Variants in APBA1 observed in about 807,000 individuals in gnomAD.
APBA1 encodes the protein amyloid beta precursor protein binding family A member 1.
Under a neutral mutation model 86.6 loss-of-function variants are expected in APBA1, and 55 were observed. The observed-to-expected ratio is 0.64, with a 90% CI of 0.51 to 0.80. The LOEUF is 0.80. APBA1 is among the 30% of genes least tolerant of loss of function. The pLI, the probability that APBA1 is intolerant of heterozygous loss-of-function variation, is 0.00. For missense variants in APBA1, 1,090 were observed against 1,183.0 expected, an observed-to-expected ratio of 0.92 and a Z score of 1.15; for synonymous variants, 511 against 493.9, an observed-to-expected ratio of 1.03 and a Z score of -0.46.
chr9:69,511,226 G>GA lies in APBA1; in HGVS notation c.1200+4784dup, dbSNP rs1157169730. 4.6e-5 allele frequency among the ~76,000 whole-genome samples: 7 copies of GA among 152,168 alleles called. No individual in the cohort carries two copies. The East Asian group carries it at 9.7e-4, about 21-fold the overall frequency. On this transcript the variant is annotated intron_variant, in intron 2 of 12. Transcript: ENST00000265381. Reference sequence around the variant, plus strand: ...ACAATGAACTCAAACAAATTTACAAGAAAAAACCAAACAACCCCATCAAAA... The same window carrying GA: ...ACAATGAACTCAAACAAATTTACAAGAAAAAAACCAAACAACCCCATCAAAA...
chr9:69,658,898 T>G (rs1165260674), intron 1 of APBA1, among the ~76,000 whole-genome samples: 1 of 152,096 alleles, frequency 6.6e-6, no homozygotes, highest in Non-Finnish European at 1.5e-5. Context: ...CCCCATAGAT[T>G]CAGGCAGGGA....
At chr9:69,528,131 T>C (rs1264163453) in intron 1 of APBA1, among the ~76,000 whole-genome samples, 2 of 152,082 alleles carry the variant, frequency 1.3e-5, no homozygotes, top group East Asian at 3.8e-4. Flanking sequence ...ACAGAGAAAA[T>C]AAAAGGACAG....
rs1822197637 is a variant in APBA1, at chr9:69,594,782, A to AGTT, written c.-70+77370_-70+77371insAAC. 2.0e-5 allele frequency among the ~76,000 whole-genome samples: 3 copies of AGTT among 152,134 alleles called. No individual in the cohort carries two copies. In the South Asian group the frequency reaches 6.2e-4, roughly 32 times the overall value. ...AGTTCTTTTCTGATGAGTAGACATTACCCAAGCCAATCATACAACACTTTC... is the reference window on the plus strand; with the variant it reads ...AGTTCTTTTCTGATGAGTAGACATTAGTTCCCAAGCCAATCATACAACACTTTC... On this transcript the variant is annotated intron_variant, in intron 1 of 12. Transcript: ENST00000265381.
At chr9:69,642,555 T>C (rs1194657820) in intron 1 of APBA1, among the ~76,000 whole-genome samples, 2 of 152,182 alleles carry the variant, frequency 1.3e-5, no homozygotes, top group Non-Finnish European at 1.5e-5. Context: ...AATCTAGTGG[T>C]TAATTTTATG....
At chr9:69,449,968 A>G (rs1834975454) in intron 9 of APBA1, among the ~76,000 whole-genome samples, 172 bp from the exon 10 acceptor site, 1 of 151,978 alleles carries the variant, frequency 6.6e-6, no homozygotes, top group South Asian at 2.1e-4. Context: ...GTTTTTAAGA[A>G]ATGAATTCAC....
intron 1 of APBA1, among the ~76,000 whole-genome samples, chr9:69,630,185 A>C (rs1823013162): frequency 6.6e-6 from 1 of 152,102 alleles, no homozygotes; most frequent in Non-Finnish European, 1.5e-5. Context: ...AGCAGACTTG[A>C]AGGAGGGAAC....
At chr9:69,639,975 C>T (rs912252543) in intron 1 of APBA1, among the ~76,000 whole-genome samples, 2 of 152,052 alleles carry the variant, frequency 1.3e-5, no homozygotes, top group African/African-American at 2.4e-5. Context: ...GAACAGAGAG[C>T]ATATGAAATG....
intron 11 of APBA1, among the ~76,000 whole-genome samples, chr9:69,435,369 C>T (rs1338085373): frequency 3.3e-5 from 5 of 152,220 alleles, no homozygotes; most frequent in African/African-American, 4.8e-5. Context: ...GGAATCGCCA[C>T]ACTGACTTCC....
At chr9:69,469,113 A>G (rs1835327038) in intron 4 of APBA1, among the ~76,000 whole-genome samples, 1 of 152,164 alleles carries the variant, frequency 6.6e-6, no homozygotes, top group Non-Finnish European at 1.5e-5. Flanking sequence ...TGCCCGCCTC[A>G]GCCTCCCAAA....
chr9:69,516,620 C>G lies in APBA1; in HGVS notation c.591G>C (p.Val197=). 1 of 1,607,282 alleles carries G rather than the reference C, an allele frequency of 6.2e-7. No homozygotes were observed. The highest frequency in any genetic ancestry group is 8.5e-7 in the Non-Finnish European group (1 of 1,179,222). ...CGGGCGCGTCCCCTATCTCCTCGTA[C>G]ACGTGCTCCTGGAGGCCGCCGTAGT... ...YADYGGLQEH[V]YEEIGDAPEL... Residue 197 remains valine (V), a synonymous_variant, in exon 2 of 13, where the codon GTG becomes GTC. Transcript: ENST00000265381. This position sits in a 1 kb window ranked among gnomAD's most constrained non-coding sequence, Gnocchi z 7.3.
chr9:69,623,942 T>C (rs1822877877), intron 1 of APBA1, among the ~76,000 whole-genome samples: 1 of 152,214 alleles, frequency 6.6e-6, no homozygotes, highest in Non-Finnish European at 1.5e-5. Context: ...TGGATATACA[T>C]GAGGTAGGTA....
intron 1 of APBA1, among the ~76,000 whole-genome samples, chr9:69,627,287 T>C (rs1822952645): frequency 6.6e-6 from 1 of 152,158 alleles, no homozygotes; most frequent in African/African-American, 2.4e-5. Context: ...TTCATTATAG[T>C]TCAATGCAGT....
chr9:69,654,363 G>T (rs889168952), intron 1 of APBA1, among the ~76,000 whole-genome samples: 8 of 152,054 alleles, frequency 5.3e-5, no homozygotes, highest in Non-Finnish European at 1.2e-4. Flanking sequence ...ACTTTGGGAG[G>T]CTGAGGTGGG....
chr9:69,584,034 G>C (rs1821969833), intron 1 of APBA1, among the ~76,000 whole-genome samples: 1 of 152,248 alleles, frequency 6.6e-6, no homozygotes, highest in Non-Finnish European at 1.5e-5. Context: ...ACTGAGGAAT[G>C]GCTAAGATTA....
At chr9:69,453,965 T>C (rs1042105674) in intron 8 of APBA1, among the ~76,000 whole-genome samples, 1 of 152,228 alleles carries the variant, frequency 6.6e-6, no homozygotes, top group African/African-American at 2.4e-5. Context: ...GCACACTTCC[T>C]GAGAAGGGGC....
At chr9:69,432,512 C>T (rs759566638) in intron 12 of APBA1, 24 bp downstream of exon 12, 2 of 1,497,622 alleles carry the variant, frequency 1.3e-6, no homozygotes, top group African/African-American at 2.8e-5. Context: ...CTCAGCACCA[C>T]CCTCAGCCCC....
chr9:69,434,121 T>A (rs1834653498), intron 11 of APBA1, among the ~76,000 whole-genome samples: 1 of 152,202 alleles, frequency 6.6e-6, no homozygotes, highest in Admixed American at 6.5e-5. Context: ...GAGTCCCAAT[T>A]GTGACTGTGG....
At chr9:69,501,221 T>C (rs1305021370) in intron 2 of APBA1, among the ~76,000 whole-genome samples, 1 of 152,076 alleles carries the variant, frequency 6.6e-6, no homozygotes, top group Non-Finnish European at 1.5e-5. Context: ...TCCTCTCTTA[T>C]CGCCGCTCTT....
chr9:69,645,977 A>G (rs1035425057), intron 1 of APBA1, among the ~76,000 whole-genome samples: 1 of 152,230 alleles, frequency 6.6e-6, no homozygotes, highest in Non-Finnish European at 1.5e-5. Context: ...CCTTAAAACC[A>G]TAAATGTTTT....
Sources: gnomAD v4.1 joint callset for allele counts (sites outside exome capture counted in the v4.1 genomes callset) on GRCh38, gnomAD v4.1.1 for gene constraint, Gnocchi (gnomAD v3.1) non-coding constraint, MANE v1.5 for transcripts, NCBI Gene and HGNC (gene_info 2026-07-23, HGNC 2026-07-21) for gene names.